The following PRDM16 variants were observed in gnomAD, a reference collection of about 807,000 sequenced individuals.
PRDM16 encodes the protein histone-lysine N-methyltransferase PRDM16.
In PRDM16, 23 loss-of-function variants were observed where a neutral mutation model predicts 110.6. The ratio of observed to expected loss-of-function variants is 0.21; its 90% confidence interval spans 0.15 to 0.29. PRDM16 has a LOEUF of 0.29. Ranked by LOEUF, PRDM16 falls within the 10% of genes least tolerant of loss-of-function variation. The pLI is 1.00. For synonymous variants in PRDM16, 799 were observed against 781.8 expected (o/e 1.02, Z -0.37); for missense variants, 1,615 against 1,794.3 (o/e 0.90, Z 1.81).
At chr1:3,327,013 C>T (rs1354311967) in intron 3 of PRDM16, among the ~76,000 whole-genome samples, 2 of 152,232 alleles carry the variant, frequency 1.3e-5, no homozygotes, top group Admixed American at 6.5e-5. Context: ...TGGAGCGGGG[C>T]TGGGTGGACC....
chr1:3,124,031 C>T (rs1423978779), intron 1 of PRDM16, among the ~76,000 whole-genome samples: 3 of 152,212 alleles, frequency 2.0e-5, no homozygotes, highest in South Asian at 4.1e-4. Context: ...TGTGGAATGA[C>T]TTCTCTCTCT....
chr1:3,427,934 G>A (rs1200515375), intron 14 of PRDM16, among the ~76,000 whole-genome samples: 2 of 152,172 alleles, frequency 1.3e-5, no homozygotes, highest in Non-Finnish European at 2.9e-5. Context: ...CGTGTTCCCT[G>A]CAGCTGCGTG....
intron 3 of PRDM16, among the ~76,000 whole-genome samples, chr1:3,340,032 G>A (rs1042471272): frequency 5.9e-5 from 9 of 152,216 alleles, no homozygotes; most frequent in African/African-American, 1.9e-4. Context: ...AATGGCAGGC[G>A]ATCTCTGCTG....
chr1:3,170,256 G>A (rs1488357551), intron 1 of PRDM16, among the ~76,000 whole-genome samples: 1 of 152,190 alleles, frequency 6.6e-6, no homozygotes, highest in African/African-American at 2.4e-5. Flanking sequence ...AGTGCCTGCA[G>A]GCCCTTCCGG....
chr1:3,368,307 G>A (rs555332565), intron 3 of PRDM16, among the ~76,000 whole-genome samples: 30 of 152,338 alleles, frequency 2.0e-4, no homozygotes, highest in Admixed American at 4.6e-4. Context: ...CCTCTGTCTG[G>A]AGAGAAGTTT....
intron 2 of PRDM16, among the ~76,000 whole-genome samples, chr1:3,210,774 A>G (rs76189606): frequency 0.013 from 2,011 of 152,326 alleles, 43 homozygotes; most frequent in African/African-American, 0.045. Context: ...TTATCCATTC[A>G]TAGATATGCA....
intron 2 of PRDM16, among the ~76,000 whole-genome samples, chr1:3,204,896 T>TG (rs979324322): frequency 2.2e-3 from 335 of 151,336 alleles, no homozygotes; most frequent in African/African-American, 7.7e-3. Flanking sequence ...GGACCCCCGT[T>TG]GGGGGGGGCC....
At chr1:3,432,903 A>G (rs1412221924) in intron 16 of PRDM16, among the ~76,000 whole-genome samples, 2 of 152,192 alleles carry the variant, frequency 1.3e-5, no homozygotes, top group Non-Finnish European at 2.9e-5. Context: ...AGGATGTCCC[A>G]TGAACTAACG....
intron 1 of PRDM16, among the ~76,000 whole-genome samples, chr1:3,100,697 C>T (rs1355062985): frequency 1.3e-5 from 2 of 151,916 alleles, no homozygotes; most frequent in East Asian, 3.9e-4. Flanking sequence ...GAGTGAGGTT[C>T]CCGTGAGGAA....
At chr1:3,074,159 C>T (rs1021224297) in intron 1 of PRDM16, among the ~76,000 whole-genome samples, 4 of 152,200 alleles carry the variant, frequency 2.6e-5, no homozygotes, top group African/African-American at 9.6e-5. Flanking sequence ...GGGCCGGGCT[C>T]CCTAGTGCAC....
At chr1:3,312,221 C>G (rs1641478693) in intron 3 of PRDM16, among the ~76,000 whole-genome samples, 1 of 152,240 alleles carries the variant, frequency 6.6e-6, no homozygotes, top group Non-Finnish European at 1.5e-5. Context: ...CCTCAGTGGA[C>G]ATCCATGGCG....
intron 3 of PRDM16, among the ~76,000 whole-genome samples, chr1:3,322,010 TTGTG>T (rs1194330789): frequency 3.3e-5 from 5 of 150,012 alleles, no homozygotes; most frequent in Admixed American, 1.3e-4. Context: ...GTGCGTACGT[TTGTG>T]TGTGAGTGCA....
In PRDM16 at chr1:3,433,793, C is replaced by A. The variant is rs762656688; in HGVS notation, c.3813C>A (p.His1271Gln). Residue 1271 changes from histidine to glutamine, a missense_variant, in exon 17 of 17, where the codon CAC becomes CAA. Physicochemically the swap from His to Gln is conservative, Grantham distance 24 (BLOSUM62 0). Around this residue, in one of 5 missense-constraint regions of PRDM16, gnomAD observed 327 missense variants for 359.3 expected, o/e 0.91. Transcript: ENST00000270722. ...CCACGTCGGAGTCTGGAGCATTTCA[C>A]CCCATCAACCACCTCTGACGGGCTG... ...TGATSESGAFHPINHL is the reference protein window; with the variant it reads ...TGATSESGAFQPINHL The A allele has an allele frequency of 6.2e-7, 1 of 1,613,426 alleles. No homozygotes were observed. The highest frequency in any genetic ancestry group is 2.2e-5 in the East Asian group (1 of 44,896).
rs865904184 is a variant in PRDM16, at chr1:3,269,894, A to C, written c.438+25757A>C. ...AGAGGAGGAAAGTCCCAGAGGAGGA[A>C]AGTCCCAGAGGAGGACAGTCCAGGA... is the stretch of plus-strand genomic sequence containing the variant. On this transcript the variant is annotated intron_variant, in intron 3 of 16. Coordinates refer to ENST00000270722, the MANE Select transcript of PRDM16 (RefSeq NM_022114.4). Among the ~76,000 whole-genome samples, 802 of 114,720 alleles carry C rather than the reference A, an allele frequency of 7.0e-3. 51 individuals carry two copies. Among genetic ancestry groups the C allele is most frequent in the African/African-American group, 0.032 (752 of 23,270 alleles). 75.3% of individuals were successfully genotyped at this position (114,720 alleles called of 152,430 possible).
intron 3 of PRDM16, among the ~76,000 whole-genome samples, chr1:3,262,893 C>CG (rs934165641): frequency 2.0e-5 from 3 of 152,178 alleles, no homozygotes; most frequent in Non-Finnish European, 4.4e-5. Context: ...AGGACACCTG[C>CG]GGTGTGCTGC....
intron 1 of PRDM16, among the ~76,000 whole-genome samples, chr1:3,100,826 A>G (rs1240676579): frequency 6.6e-6 from 1 of 152,054 alleles, no homozygotes; most frequent in East Asian, 1.9e-4. Context: ...ATGAGAGTGG[A>G]AGGTGAGAGA....
chr1:3,133,131 C>T (rs1160389027), intron 1 of PRDM16: 1 of 152,244 alleles, frequency 6.6e-6, no homozygotes, highest in Non-Finnish European at 1.5e-5. Flanking sequence ...GGACAAAGCC[C>T]GAAGGACGGT....
intron 1 of PRDM16, among the ~76,000 whole-genome samples, chr1:3,091,880 G>T (rs866780771): frequency 6.6e-6 from 1 of 152,228 alleles, no homozygotes; most frequent in African/African-American, 2.4e-5. Flanking sequence ...TCTAACGGGG[G>T]TGATGGACAG....
intron 3 of PRDM16, among the ~76,000 whole-genome samples, chr1:3,310,596 T>C (rs1355794131): frequency 6.6e-6 from 1 of 152,118 alleles, no homozygotes; most frequent in African/African-American, 2.4e-5. Flanking sequence ...GCCGGGTTAC[T>C]TGGTCCCCAA....
Sources: allele counts gnomAD v4.1 joint callset (sites outside exome capture counted in the v4.1 genomes callset), GRCh38; gene constraint gnomAD v4.1.1; regional missense constraint gnomAD v4.1.1; transcripts MANE v1.5; gene names NCBI Gene and HGNC (gene_info 2026-07-23, HGNC 2026-07-21).